The following DCLK1 variants were observed in gnomAD, a reference collection of about 807,000 sequenced individuals.
DCLK1 encodes doublecortin like kinase 1.
DCLK1 carries 16 observed loss-of-function variants against 86.2 expected under a neutral mutation model. The ratio of observed to expected loss-of-function variants is 0.19; its 90% CI spans 0.13 to 0.28. The LOEUF (loss-of-function observed/expected upper bound fraction) is 0.28, where lower values mean the gene tolerates loss of function less well. DCLK1 is among the 10% of genes least tolerant of loss of function. DCLK1 has a pLI of 1.00. For missense variants in DCLK1, 590 were observed against 940.2 expected (o/e 0.63, Z 4.87); for synonymous variants, 369 against 370.5 (o/e 1.00, Z 0.05).
intron 4 of DCLK1, among the ~76,000 whole-genome samples, chr13:35,924,318 G>C (rs554295077): frequency 2.0e-5 from 3 of 152,014 alleles, no homozygotes; most frequent in Non-Finnish European, 4.4e-5. Flanking sequence ...TCTTGTCACC[G>C]TCAAGACCAA....
chr13:36,046,668 C>G (rs570003797), intron 3 of DCLK1, among the ~76,000 whole-genome samples: 5 of 152,256 alleles, frequency 3.3e-5, no homozygotes, highest in African/African-American at 9.6e-5. Context: ...TGTTATGACC[C>G]CATTCCTGTA....
intron 3 of DCLK1, among the ~76,000 whole-genome samples, chr13:36,027,923 G>C (rs927549059): frequency 1.3e-5 from 2 of 152,008 alleles, no homozygotes; most frequent in South Asian, 2.1e-4. Flanking sequence ...GCACAGACAG[G>C]GTTTCCTGTT....
At chr13:35,820,995 T>C (rs931611456) in intron 11 of DCLK1, among the ~76,000 whole-genome samples, 4 of 152,238 alleles carry the variant, frequency 2.6e-5, no homozygotes, top group African/African-American at 7.2e-5. Context: ...CCTGGCACAG[T>C]ACCTGACACA....
At chr13:36,046,290 G>A (rs1882911944) in intron 3 of DCLK1, among the ~76,000 whole-genome samples, 1 of 152,122 alleles carries the variant, frequency 6.6e-6, no homozygotes, top group Non-Finnish European at 1.5e-5. Context: ...TACTTAATGG[G>A]TCTCTAATCA....
chr13:35,872,883 G>A (rs897709685), intron 4 of DCLK1, among the ~76,000 whole-genome samples: 5 of 152,102 alleles, frequency 3.3e-5, no homozygotes, highest in South Asian at 2.1e-4. Flanking sequence ...GCAAGATAGC[G>A]ACATATTTTA....
chr13:35,992,301 GC>G (rs1395855172), intron 3 of DCLK1, among the ~76,000 whole-genome samples: 1 of 152,184 alleles, frequency 6.6e-6, no homozygotes, highest in Non-Finnish European at 1.5e-5. Context: ...GCTTTTGCAA[GC>G]CATAGTCTCA....
At chr13:35,903,868 T>C (rs1874528377) in intron 4 of DCLK1, among the ~76,000 whole-genome samples, 1 of 152,184 alleles carries the variant, frequency 6.6e-6, no homozygotes, top group African/African-American at 2.4e-5. Flanking sequence ...AGCCCTTAAG[T>C]TCATTGATTG....
At chr13:36,105,427 A>G (rs760324325) in intron 3 of DCLK1, among the ~76,000 whole-genome samples, 2 of 152,320 alleles carry the variant, frequency 1.3e-5, no homozygotes, top group Admixed American at 6.5e-5. Flanking sequence ...TTTAGTCCTC[A>G]TGACAACTTA....
chr13:35,822,224 C>T (rs979864748), intron 11 of DCLK1, among the ~76,000 whole-genome samples: 3 of 152,046 alleles, frequency 2.0e-5, no homozygotes, highest in Admixed American at 1.3e-4. Context: ...GATCACAGCT[C>T]ACTGCAGCCT....
At chr13:35,873,671 C>T (rs1215757754) in intron 4 of DCLK1, among the ~76,000 whole-genome samples, 1 of 152,162 alleles carries the variant, frequency 6.6e-6, no homozygotes, top group African/African-American at 2.4e-5. Context: ...CAGGTGTGAG[C>T]CACCATGCCC....
At chr13:35,917,151 A>T (rs1408684292) in intron 4 of DCLK1, among the ~76,000 whole-genome samples, 1 of 152,194 alleles carries the variant, frequency 6.6e-6, no homozygotes, top group Non-Finnish European at 1.5e-5. Flanking sequence ...TAGCACAAAA[A>T]CACACAGGTT....
At chr13:35,941,198 A>G (rs1272645923) in intron 4 of DCLK1, among the ~76,000 whole-genome samples, 1 of 151,886 alleles carries the variant, frequency 6.6e-6, no homozygotes, top group African/African-American at 2.4e-5. Context: ...TTTTTTTGCC[A>G]TTACTTTTAA....
chr13:35,926,247 T>A (rs1414075381), intron 4 of DCLK1, among the ~76,000 whole-genome samples: 1 of 119,550 alleles, frequency 8.4e-6, no homozygotes, highest in East Asian at 2.1e-4. Context: ...TTAGTAGAGA[T>A]GGGTTTCGCC....
intron 3 of DCLK1, among the ~76,000 whole-genome samples, chr13:35,990,766 T>C (rs552880141): frequency 6.8e-6 from 1 of 146,382 alleles, no homozygotes; most frequent in South Asian, 2.2e-4. Context: ...ATGTTACTAT[T>C]TTTGTTGGTT....
At chr13:35,843,849 C>T (rs771547804) in intron 6 of DCLK1, among the ~76,000 whole-genome samples, 9 of 152,150 alleles carry the variant, frequency 5.9e-5, no homozygotes, top group Non-Finnish European at 1.2e-4. Context: ...AAAGGAAACA[C>T]AAGCAATACA....
At chr13:35,803,397 C>T (rs151041676) in intron 15 of DCLK1, among the ~76,000 whole-genome samples, 51 of 152,306 alleles carry the variant, frequency 3.3e-4, no homozygotes, top group Non-Finnish European at 3.1e-4. Context: ...AGCCCCCTGT[C>T]CCTAGGGCCA....
chr13:35,943,333 C>A (rs1388757185), intron 4 of DCLK1, among the ~76,000 whole-genome samples: 1 of 152,226 alleles, frequency 6.6e-6, no homozygotes, highest in East Asian at 1.9e-4. Flanking sequence ...CCTGCCAGTA[C>A]CTTGATTTTG....
At chr13:35,864,607 G>T (rs1344782604) in intron 5 of DCLK1, among the ~76,000 whole-genome samples, 10 of 146,846 alleles carry the variant, frequency 6.8e-5, no homozygotes. Flanking sequence ...TATCTAAATG[G>T]AAATAAAAAC....
intron 3 of DCLK1, among the ~76,000 whole-genome samples, chr13:35,965,199 A>G (rs577967361): frequency 6.6e-6 from 1 of 152,308 alleles, no homozygotes; most frequent in South Asian, 2.1e-4. Context: ...CATGATGCCA[A>G]TAATTTTAGA....
Sources: gnomAD v4.1 joint callset for allele counts (sites outside exome capture counted in the v4.1 genomes callset) on GRCh38, gnomAD v4.1.1 for gene constraint, MANE v1.5 for transcripts, NCBI Gene and HGNC (gene_info 2026-07-23, HGNC 2026-07-21) for gene names.